Variants in ZBTB4 observed in about 807,000 individuals in gnomAD.
The protein encoded by ZBTB4 is zinc finger and BTB domain-containing protein 4.
A neutral mutation model predicts 59.8 loss-of-function variants in ZBTB4; 14 were observed. That is an observed-to-expected ratio of 0.23 (90% CI 0.15 to 0.37). The LOEUF (loss-of-function observed/expected upper bound fraction) is 0.37, where lower values mean the gene tolerates loss of function less well. ZBTB4 is among the 10% of genes least tolerant of loss of function. ZBTB4 has a pLI of 1.00. For synonymous variants in ZBTB4, 587 were observed against 575.2 expected, an observed-to-expected ratio of 1.02 and a Z score of -0.29; for missense variants, 1,198 against 1,380.8, an observed-to-expected ratio of 0.87 and a Z score of 2.10.
Position 7,462,693 on chromosome 17 carries a change from G to A in ZBTB4, c.2289C>T (p.Thr763=). The A allele has an allele frequency of 6.2e-7, 1 of 1,606,004 alleles. No individual in the cohort carries two copies. The highest frequency in any genetic ancestry group is 8.5e-7 in the Non-Finnish European group (1 of 1,179,628). ...TGGCGCAGTGGGGGCAGGTAAAGCG[G>A]GTGGAGGGCCTCCGTCCGGCCCGGG... ...HSSRAGRRPS[T]RFTCPHCAKV... The change falls in exon 4 of 4, where the codon ACC becomes ACT. Residue 763 remains threonine, a synonymous_variant. Transcript: ENST00000380599. The surrounding 1 kb of genome is among the most constrained non-coding windows in gnomAD (Gnocchi z 7.5).
intron 1 of ZBTB4, among the ~76,000 whole-genome samples, chr17:7,477,870 C>T (rs2070290092): frequency 6.6e-6 from 1 of 152,166 alleles, no homozygotes; most frequent in Non-Finnish European, 1.5e-5. Context: ...CGCCCAGCCT[C>T]TCCTCCGGGT....
In ZBTB4 at chr17:7,463,145, T is replaced by C. The variant is rs2070056060; in HGVS notation, c.1837A>G (p.Ile613Val). ...GTCTCTGAGATGCGGCGCTTGACGA[T>C]GGCCTCCTCCCCTATTCGCACAGTG... ...QITVRIGEEA[I>V]VKRRISETDL... Residue 613 changes from isoleucine (I) to valine (V), a missense_variant, in exon 4 of 4, where the codon ATC (isoleucine) becomes GTC (valine). Physicochemically the swap from Ile to Val is conservative, Grantham distance 29. Around this residue, in one of 9 missense-constraint regions of ZBTB4, gnomAD observed 550 missense variants for 541.8 expected, o/e 1.02. Coordinates refer to ENST00000380599, the MANE Select transcript of ZBTB4 (RefSeq NM_001128833.2). The C allele has an allele frequency of 1.2e-6, 2 of 1,608,412 alleles. No homozygotes were observed. Among genetic ancestry groups the C allele is most frequent in the Non-Finnish European group, 1.7e-6 (2 of 1,178,946 alleles).
At position 7,465,135 on chromosome 17, in the gene ZBTB4, A is replaced by G. The variant is rs1183431472; in HGVS notation, c.1091+576T>C. 9.4e-4 allele frequency among the ~76,000 whole-genome samples: 126 copies of G among 134,174 alleles called. 1 individual carries two copies. The South Asian group carries it at 0.012, about 12-fold the overall frequency. 88.0% of individuals were successfully genotyped at this position (134,174 alleles called of 152,430 possible). The stretch of plus-strand genomic sequence containing the variant: ...CACGCCACTGCACTCCAGCCTGGGC[A>G]ACAGGGCGAGACTCTGTCTCAAAAA... On this transcript the variant is annotated intron_variant, in intron 3 of 3. Coordinates refer to ENST00000380599, the MANE Select transcript of ZBTB4 (RefSeq NM_001128833.2).
intron 3 of ZBTB4, among the ~76,000 whole-genome samples, chr17:7,465,323 T>G (rs1377153558): frequency 6.6e-6 from 1 of 151,244 alleles, no homozygotes; most frequent in African/African-American, 2.4e-5. Context: ...TAGCTGGGCA[T>G]GGTGGCGCAT....
intron 1 of ZBTB4, among the ~76,000 whole-genome samples, chr17:7,469,484 C>T (rs1025683846): frequency 1.3e-5 from 2 of 149,946 alleles, no homozygotes; most frequent in Non-Finnish European, 1.5e-5. Context: ...TCTTTAAGGC[C>T]GGGCACGGTG....
chr17:7,466,833 G>A lies in ZBTB4; in HGVS notation c.-9-23C>T, dbSNP rs1482700164. The A allele has an allele frequency of 6.6e-6, 10 of 1,505,414 alleles. No homozygotes were observed. The highest frequency in any genetic ancestry group is 3.8e-5 in the South Asian group (3 of 78,822). The allele number at this position is 1,505,414 out of a possible 1,614,324, so 93.3% of individuals were successfully genotyped here. A position where few individuals can be genotyped will look rare whatever the true frequency, so the allele number is the denominator to read the frequency against. The stretch of plus-strand genomic sequence containing the variant: ...AGCCTAGACAGTGGGAGAAGAGGCC[G>A]GGTAGAGTCTCAGAGGCTGGGCAGA... On this transcript the variant is annotated intron_variant, in intron 2 of 3. Transcript: ENST00000380599. This position sits in a 1 kb window ranked among gnomAD's most constrained non-coding sequence, Gnocchi z 9.1.
chr17:7,473,175 C>T (rs1394906051), intron 1 of ZBTB4, among the ~76,000 whole-genome samples: 3 of 143,944 alleles, frequency 2.1e-5, no homozygotes, highest in Non-Finnish European at 4.5e-5. Context: ...TGCAGTGGTG[C>T]GATCTTGGCT....
intron 1 of ZBTB4, among the ~76,000 whole-genome samples, chr17:7,478,300 C>A (rs1293668268): frequency 6.6e-6 from 1 of 152,200 alleles, no homozygotes; most frequent in Non-Finnish European, 1.5e-5. Context: ...GCGCATTCCA[C>A]CTCGAGCCCC....
At chr17:7,464,594 T>C (rs2070085781) in intron 3 of ZBTB4, among the ~76,000 whole-genome samples, 1 of 151,754 alleles carries the variant, frequency 6.6e-6, no homozygotes, top group African/African-American at 2.4e-5. Flanking sequence ...TCCCAGCACT[T>C]TGGGAGGCTG....
chr17:7,482,250 T>C (rs1193008848), upstream of ZBTB4: 1 of 1,613,872 alleles, frequency 6.2e-7, no homozygotes, highest in African/African-American at 1.3e-5. Flanking sequence ...CTACTTAAAC[T>C]GCGTGGCGAC....
upstream of ZBTB4, chr17:7,479,642 GCCCCGGTCCTAC>G (rs995423458): frequency 7.4e-5 from 3 of 40,340 alleles, no homozygotes; most frequent in Non-Finnish European, 1.5e-4. Flanking sequence ...GGCTCCCCCC[GCCCCGGTCCTAC>G]CCCCACCCCC....
At chr17:7,480,098 G>A (rs537940229), upstream of ZBTB4, among the ~76,000 whole-genome samples, 1 of 152,212 alleles carries the variant, frequency 6.6e-6, no homozygotes, top group South Asian at 2.1e-4. Flanking sequence ...GGAATGCGCA[G>A]GAAAGCTCAG....
chr17:7,474,765 A>G (rs554934984), intron 1 of ZBTB4, among the ~76,000 whole-genome samples: 250 of 152,122 alleles, frequency 1.6e-3, no homozygotes, highest in African/African-American at 6.0e-3. Flanking sequence ...TAATCCCAGC[A>G]CTTTGGGAGG....
At chr17:7,464,745 G>A (rs989817713) in intron 3 of ZBTB4, among the ~76,000 whole-genome samples, 1 of 151,088 alleles carries the variant, frequency 6.6e-6, no homozygotes. Context: ...AGCTGAGGCA[G>A]GAGAATCGCT....
In ZBTB4 at chr17:7,463,092, T is replaced by C. The variant is rs760817887; in HGVS notation, c.1890A>G (p.Gly630=). The change falls in exon 4 of 4, where the codon GGA becomes GGG. Residue 630 remains glycine, a synonymous_variant. Coordinates refer to ENST00000380599, the MANE Select transcript of ZBTB4 (RefSeq NM_001128833.2). Reference sequence around the variant, plus strand: ...CCTCCTCACTCTCCTCCATCTCCTCTCCGCTCAGCTCCCCAGGACGCAGGT... The same window carrying C: ...CCTCCTCACTCTCCTCCATCTCCTCCCCGCTCAGCTCCCCAGGACGCAGGT... The part of the protein sequence containing the change: ...ETDLRPGELS[G]EEMEESEEDE... 3.7e-6 allele frequency: 6 copies of C among 1,610,320 alleles called. No individual in the cohort carries two copies. In the Admixed American group the frequency reaches 1.0e-4, roughly 27 times the overall value.
At chr17:7,473,281 T>A (rs1291407632) in intron 1 of ZBTB4, among the ~76,000 whole-genome samples, 1 of 151,288 alleles carries the variant, frequency 6.6e-6, no homozygotes, top group Non-Finnish European at 1.5e-5. Context: ...CCCGGCTAAT[T>A]TTTTTTTGTA....
chr17:7,466,861 G>T lies in ZBTB4; in HGVS notation c.-9-51C>A. On this transcript the variant is annotated intron_variant, in intron 2 of 3. Transcript: ENST00000380599. The surrounding 1 kb of genome is among the most constrained non-coding windows in gnomAD (Gnocchi z 9.1). ...TAGAGTCTCAGAGGCTGGGCAGAGG[G>T]CAGGGGCTTCTAAAATCAGGCAGAG... 1 of 1,452,046 alleles carries T rather than the reference G, an allele frequency of 6.9e-7. No homozygotes were observed. Among genetic ancestry groups the T allele is most frequent in the African/African-American group, 1.4e-5 (1 of 70,374 alleles). The allele number at this position is 1,452,046 out of a possible 1,614,324, so 89.9% of individuals were successfully genotyped here. A position where few individuals can be genotyped will look rare whatever the true frequency, so the allele number is the denominator to read the frequency against.
chr17:7,470,754 G>A (rs2070187552), intron 1 of ZBTB4, among the ~76,000 whole-genome samples: 1 of 152,160 alleles, frequency 6.6e-6, no homozygotes, highest in Non-Finnish European at 1.5e-5. Context: ...GCTGGCCCAA[G>A]GACGTATGAC....
At position 7,465,924 on chromosome 17, in the gene ZBTB4, C is replaced by T. The variant is rs370679174; in HGVS notation, c.878G>A (p.Arg293Gln). The change falls in exon 3 of 4, where the codon CGA becomes CAA. Residue 293 changes from arginine to glutamine, a missense_variant. Around this residue, in one of 9 missense-constraint regions of ZBTB4, gnomAD observed 204 missense variants for 205.5 expected, o/e 0.99. Transcript: ENST00000380599. ...CTTCACCACGTGCTCGGGGCCCCCT[C>T]GGAAGCCCACTGGTGGAGGCAGGGC... ...ASALPPPVGF[R>Q]GGPEHVVKVV... 84 of 1,609,890 alleles carry T rather than the reference C, an allele frequency of 5.2e-5. No individual in the cohort carries two copies. Among genetic ancestry groups the T allele is most frequent in the Middle Eastern group, 3.3e-4 (2 of 6,066 alleles).
Sources: gnomAD v4.1 joint callset for allele counts (sites outside exome capture counted in the v4.1 genomes callset) on GRCh38, gnomAD v4.1.1 for gene constraint, gnomAD v4.1.1 regional missense constraint, Gnocchi (gnomAD v3.1) non-coding constraint, MANE v1.5 for transcripts, NCBI Gene and HGNC (gene_info 2026-07-23, HGNC 2026-07-21) for gene names.